The following IGBP1C variants were observed in gnomAD, a reference collection of about 807,000 sequenced individuals.
IGBP1C encodes the protein immunoglobulin-binding protein 1 family member C.
At chr17:58,685,744 C>A in the IGBP1C span, among the ~76,000 whole-genome samples, 1 of 151,660 alleles carries the variant, frequency 6.6e-6, no homozygotes, top group Non-Finnish European at 1.5e-5. Context: ...GTAATCCCAG[C>A]AGTTTGGGAG....
At chr17:58,673,420 T>C in the IGBP1C span, among the ~76,000 whole-genome samples, 1 of 149,742 alleles carries the variant, frequency 6.7e-6, no homozygotes, top group Non-Finnish European at 1.5e-5. Context: ...GAGGCAAAGG[T>C]TGCAGTGAGC....
At chr17:58,663,620 C>T in the IGBP1C span, among the ~76,000 whole-genome samples, 1 of 151,912 alleles carries the variant, frequency 6.6e-6, no homozygotes, top group Non-Finnish European at 1.5e-5. Context: ...GGATGCACCA[C>T]CACGCCTGGC....
At chr17:58,660,548 C>T in the IGBP1C span, 2 of 771,880 alleles carry the variant, frequency 2.6e-6, no homozygotes, top group Non-Finnish European at 4.8e-6. Flanking sequence ...AAGGTGTGCA[C>T]CCTGCAGTCC....
chr17:58,677,862 C>G, the IGBP1C span: 12,343 of 152,346 alleles, frequency 0.081, 663 homozygotes, highest in Middle Eastern at 0.2. Flanking sequence ...AGTTTAAGAG[C>G]CAGAAATGGC....
At chr17:58,661,443 T>C in the IGBP1C span, 1 of 796,876 alleles carries the variant, frequency 1.3e-6, no homozygotes, top group Non-Finnish European at 2.3e-6. Flanking sequence ...TTGGCAACCT[T>C]GTCAAGGAGG....
At chr17:58,669,814 C>T in the IGBP1C span, among the ~76,000 whole-genome samples, 1 of 149,340 alleles carries the variant, frequency 6.7e-6, no homozygotes, top group African/African-American at 2.5e-5. Context: ...CATGTGAATA[C>T]ATGTTAACAA....
At chr17:58,676,236 C>T in the IGBP1C span, among the ~76,000 whole-genome samples, 18 of 152,108 alleles carry the variant, frequency 1.2e-4, no homozygotes, top group African/African-American at 2.6e-4. Flanking sequence ...ATTAGCCAGG[C>T]GTGGTGGCAG....
chr17:58,689,866 C>A, the IGBP1C span, among the ~76,000 whole-genome samples: 5 of 96,856 alleles, frequency 5.2e-5, no homozygotes, highest in Admixed American at 5.5e-4. Flanking sequence ...TTTTTTTTTT[C>A]TGAGATGGAG....
chr17:58,676,868 C>T, the IGBP1C span, among the ~76,000 whole-genome samples: 11 of 152,030 alleles, frequency 7.2e-5, no homozygotes, highest in African/African-American at 1.9e-4. Context: ...GGGTGGCTCA[C>T]GCCTGTAATC....
the IGBP1C span, chr17:58,661,649 G>C: frequency 1.5e-6 from 1 of 649,422 alleles, no homozygotes; most frequent in East Asian, 2.6e-5. Flanking sequence ...CTGGACACAC[G>C]TAAAGATTCT....
the IGBP1C span, among the ~76,000 whole-genome samples, chr17:58,668,252 T>C: frequency 6.6e-6 from 1 of 152,222 alleles, no homozygotes; most frequent in Non-Finnish European, 1.5e-5. Context: ...TACTTTGGAC[T>C]TGTGCCCAGT....
At chr17:58,664,458 C>T in the IGBP1C span, among the ~76,000 whole-genome samples, 1 of 152,212 alleles carries the variant, frequency 6.6e-6, no homozygotes, top group African/African-American at 2.4e-5. Context: ...CACCTGTTCT[C>T]AAGTCATTAC....
chr17:58,681,902 A>C, the IGBP1C span, among the ~76,000 whole-genome samples: 25 of 152,284 alleles, frequency 1.6e-4, no homozygotes, highest in African/African-American at 6.0e-4. Flanking sequence ...AACTCATGTA[A>C]GGGAAAAGGT....
At chr17:58,688,364 C>T in the IGBP1C span, among the ~76,000 whole-genome samples, 1 of 152,140 alleles carries the variant, frequency 6.6e-6, no homozygotes, top group African/African-American at 2.4e-5. Flanking sequence ...AAGTGATCTG[C>T]CAGCCTCAGC....
chr17:58,678,853 T>A, the IGBP1C span, among the ~76,000 whole-genome samples: 4 of 146,798 alleles, frequency 2.7e-5, no homozygotes, highest in African/African-American at 1.0e-4. Flanking sequence ...ATAATAATAA[T>A]AAAAGAGAAG....
At chr17:58,685,996 C>T in the IGBP1C span, among the ~76,000 whole-genome samples, 1 of 82,656 alleles carries the variant, frequency 1.2e-5, no homozygotes, top group Non-Finnish European at 2.2e-5. Context: ...CTCTGTCTCA[C>T]AAAAAAAAAA....
At chr17:58,668,111 G>GTTAGATA in the IGBP1C span, among the ~76,000 whole-genome samples, 3 of 152,080 alleles carry the variant, frequency 2.0e-5, no homozygotes, top group South Asian at 6.2e-4. Flanking sequence ...ACCCCAGCCT[G>GTTAGATA]TCTTCAGCAA....
chr17:58,683,052 C>CAAAAA, the IGBP1C span, among the ~76,000 whole-genome samples: 4 of 54,040 alleles, frequency 7.4e-5, no homozygotes, highest in African/African-American at 2.7e-4. Context: ...GAGTCTGTCT[C>CAAAAA]AAAAAAAAAA....
the IGBP1C span, chr17:58,661,538 C>A: frequency 6.4e-6 from 5 of 776,598 alleles, 1 homozygote; most frequent in Middle Eastern, 4.5e-4. Flanking sequence ...AAGCTGTTTG[C>A]TGGAATCGAA....
Sources: gnomAD v4.1 joint callset for allele counts (sites outside exome capture counted in the v4.1 genomes callset) on GRCh38, gnomAD v4.1.1 for gene constraint, MANE v1.5 for transcripts, NCBI Gene and HGNC (gene_info 2026-07-23, HGNC 2026-07-21) for gene names.